Variants in UGT2B10 observed in about 807,000 individuals in gnomAD.
UGT2B10 encodes the protein UDP glucuronosyltransferase family 2 member B10.
Under a neutral mutation model 43.7 loss-of-function variants are expected in UGT2B10, and 51 were observed. The observed-to-expected ratio is 1.17, with a 90% CI of 0.93 to 1.47. The LOEUF (loss-of-function observed/expected upper bound fraction) is 1.47. Among genes scored for constraint, UGT2B10 ranks in the 40% most tolerant of loss-of-function variants. The pLI, the probability that UGT2B10 is intolerant of heterozygous loss-of-function variation, is 0.00. For synonymous variants in UGT2B10, 225 were observed against 209.0 expected, an observed-to-expected ratio of 1.08 and a Z score of -0.66; for missense variants, 696 against 617.7, an observed-to-expected ratio of 1.13 and a Z score of -1.34.
Position 68,830,743 on chromosome 4 carries a change from G to GAAGA in UGT2B10, c.1451_1452insAAGA (p.Trp484Ter), listed in dbSNP as rs759207345. On this transcript the variant is annotated stop_gained and frameshift_variant, in exon 6 of 6. Coordinates refer to ENST00000265403, the MANE Select transcript of UGT2B10 (RefSeq NM_001075.6). LOFTEE classifies it low-confidence loss of function (END_TRUNC). Reference sequence around the variant, plus strand: ...CGAGTTGCAGCCCACAACCTCACCTGGTTCCAGTACCACTCTTTGGATGTG... The same window carrying GAAGA: ...CGAGTTGCAGCCCACAACCTCACCTGAAGAGTTCCAGTACCACTCTTTGGATGTG... The GAAGA allele has an allele frequency of 3.2e-5, 51 of 1,613,376 alleles. 1 individual carries two copies. The African/African-American group carries it at 6.7e-4, about 21-fold the overall frequency.
intron 5 of UGT2B10, among the ~76,000 whole-genome samples, chr4:68,828,762 T>C (rs1737929514): frequency 6.6e-6 from 1 of 152,046 alleles, no homozygotes; most frequent in Non-Finnish European, 1.5e-5. Flanking sequence ...CACATTTTCC[T>C]AGAGCATGTT....
intron 5 of UGT2B10, among the ~76,000 whole-genome samples, chr4:68,829,261 A>T (rs1336150866): frequency 6.6e-6 from 1 of 152,082 alleles, no homozygotes; most frequent in Non-Finnish European, 1.5e-5. Flanking sequence ...CAATTACATA[A>T]ACAAGCAAAG....
chr4:68,821,460 A>G (rs1578266536), intron 2 of UGT2B10, among the ~76,000 whole-genome samples: 1 of 152,164 alleles, frequency 6.6e-6, no homozygotes, highest in African/African-American at 2.4e-5. Context: ...GCAGTTAGAA[A>G]TAGCACATCA....
Position 68,816,727 on chromosome 4 carries a change from T to C in UGT2B10, c.708T>C (p.Ser236=), listed in dbSNP as rs1462393634. ...FNMKKWDQFY[S]EVLGRPTTLS... ...TGAAGAAGTGGGATCAGTTTTACAG[T>C]GAAGTTTTAGGTAAGATTTTTTTCA... is the stretch of plus-strand genomic sequence containing the variant. The change falls in exon 1 of 6, where the codon AGT becomes AGC. Residue 236 remains serine (S), a synonymous_variant. Transcript: ENST00000265403. 1.9e-6 allele frequency: 3 copies of C among 1,594,400 alleles called. No individual in the cohort carries two copies. The highest frequency in any genetic ancestry group is 1.1e-5 in the South Asian group (1 of 88,104).
chr4:68,819,966 G>A (rs1737410822), intron 2 of UGT2B10, among the ~76,000 whole-genome samples: 1 of 151,962 alleles, frequency 6.6e-6, no homozygotes, highest in Admixed American at 6.6e-5. Flanking sequence ...TTAAAACTCA[G>A]TATCTATGTT....
rs1220044971 is a variant in UGT2B10, at chr4:68,816,480, C to T, written c.461C>T (p.Pro154Leu). 1 of 1,612,984 alleles carries T rather than the reference C, an allele frequency of 6.2e-7. No individual in the cohort carries two copies. Among genetic ancestry groups the T allele is most frequent in the Admixed American group, 1.7e-5 (1 of 59,886 alleles). The change falls in exon 1 of 6, where the codon CCC becomes CTC. Residue 154 changes from proline to leucine, a missense_variant. By Grantham distance (98) the Pro-to-Leu change is moderately conservative. Transcript: ENST00000265403. The stretch of plus-strand genomic sequence containing the variant: ...ATCGTTTTTGCAGATGCTTATTTAC[C>T]CTGTGGTGAGCTGCTGGCTGAGCTA... ...FDIVFADAYL[P>L]CGELLAELFN...
At position 68,818,136 on chromosome 4, in the gene UGT2B10, G is replaced by T. The variant is rs1187561675; in HGVS notation, c.826G>T (p.Val276Phe). Residue 276 changes from valine (V) to phenylalanine (F), a missense_variant, in exon 2 of 6, where the codon GTT becomes TTT. Val to Phe is a conservative substitution (Grantham distance 50). Transcript: ENST00000265403. ...TCCATTCTTACCAAATGTTGATTTT[G>T]TTGGAGGACTCCACTGCAAACCTGC... is the stretch of plus-strand genomic sequence containing the variant. ...PHPFLPNVDF[V>F]GGLHCKPAKP... 6 of 1,611,388 alleles carry T rather than the reference G, an allele frequency of 3.7e-6. No homozygotes were observed. The highest frequency in any genetic ancestry group is 4.2e-6 in the Non-Finnish European group (5 of 1,178,352).
chr4:68,828,616 A>G (rs1294339395), intron 5 of UGT2B10, among the ~76,000 whole-genome samples: 6 of 152,002 alleles, frequency 3.9e-5, no homozygotes, highest in African/African-American at 1.2e-4. Context: ...TTTTTTAAAA[A>G]AACAAGCAAA....
rs377540536 is a variant in UGT2B10 at position 68,826,459 on chromosome 4, C to A, written c.1049C>A (p.Thr350Asn). ...GNKPDALGLNTRLYKWIPQND... is the reference protein window; with the variant it reads ...GNKPDALGLNNRLYKWIPQND... ...AAACCAGATGCCTTAGGTCTCAATA[C>A]TCGACTGTACAAGTGGATACCCCAG... is the stretch of plus-strand genomic sequence containing the variant. The change falls in exon 4 of 6, where the codon ACT becomes AAT. Residue 350 changes from threonine to asparagine, a missense_variant. By Grantham distance (65) the Thr-to-Asn change is moderately conservative. Coordinates refer to ENST00000265403, the MANE Select transcript of UGT2B10 (RefSeq NM_001075.6). 2.5e-6 allele frequency: 4 copies of A among 1,612,378 alleles called. No homozygotes were observed. The African/African-American group carries it at 4.0e-5, about 16-fold the overall frequency.
At chr4:68,822,981 T>C (rs528351888) in intron 3 of UGT2B10, among the ~76,000 whole-genome samples, 94 of 152,282 alleles carry the variant, frequency 6.2e-4, no homozygotes, top group Admixed American at 1.1e-3. Context: ...CCTTGGTGAA[T>C]GTTTACAATT....
At position 68,830,589 on chromosome 4, in the gene UGT2B10, T is replaced by G. The variant is rs1738036690; in HGVS notation, c.1308-11T>G. The G allele has an allele frequency of 6.2e-7, 1 of 1,600,442 alleles. No individual in the cohort carries two copies. The highest frequency in any genetic ancestry group is 1.1e-5 in the South Asian group (1 of 88,804). On this transcript the variant is annotated splice_polypyrimidine_tract_variant and intron_variant, in intron 5 of 5. Coordinates refer to ENST00000265403, the MANE Select transcript of UGT2B10 (RefSeq NM_001075.6). ...ACTTTCAGTGTCGGTATCTTTATTT[T>G]TATCCTTCAGATATAAAGAGAATAT...
chr4:68,825,291 A>G (rs1217755190), intron 3 of UGT2B10, among the ~76,000 whole-genome samples: 1 of 151,054 alleles, frequency 6.6e-6, no homozygotes, highest in African/African-American at 2.4e-5. Flanking sequence ...ATAATTTTTT[A>G]TACTTTTTTT....
In UGT2B10 at chr4:68,831,089, G is replaced by T. The variant is rs1738078696; in HGVS notation, c.*210G>T. The T allele has an allele frequency of 1.6e-6, 1 of 628,330 alleles. No individual in the cohort carries two copies. The allele number at this position is 628,330 out of a possible 1,614,324, so 38.9% of individuals were successfully genotyped here. ...TCTGTGGCAATGAAGAAAACACTAG[G>T]GGAAATAAAAAATAATATAAAGCCA... On this transcript the variant is annotated 3_prime_UTR_variant, in exon 6 of 6. Coordinates refer to ENST00000265403, the MANE Select transcript of UGT2B10 (RefSeq NM_001075.6).
intron 3 of UGT2B10, 31 bp downstream of exon 3, chr4:68,822,433 A>T (rs2109692403): frequency 6.2e-7 from 1 of 1,610,988 alleles, no homozygotes; most frequent in Non-Finnish European, 8.5e-7. Context: ...GGTGTGGAAA[A>T]CTACTGAAAG....
chr4:68,827,632 T>A (rs1190264378), intron 5 of UGT2B10, 84 bp downstream of exon 5: 49 of 1,553,912 alleles, frequency 3.2e-5, no homozygotes, highest in Non-Finnish European at 4.2e-5. Flanking sequence ...ATCCTTTTTA[T>A]AAGAGAGTGA....
rs1248206519 is a variant in UGT2B10 at position 68,816,636 on chromosome 4, T to C, written c.617T>C (p.Phe206Ser). The C allele has an allele frequency of 6.2e-7, 1 of 1,612,754 alleles. No individual in the cohort carries two copies. Among genetic ancestry groups the C allele is most frequent in the African/African-American group, 1.3e-5 (1 of 74,868 alleles). ...VMSKLSDQMT[F>S]MERVKNMLYV... The stretch of plus-strand genomic sequence containing the variant: ...TCAAAATTAAGTGATCAAATGACTT[T>C]CATGGAGAGGGTAAAAAATATGCTC... The change falls in exon 1 of 6, where the codon TTC becomes TCC. Residue 206 changes from phenylalanine (F) to serine (S), a missense_variant. Coordinates refer to ENST00000265403, the MANE Select transcript of UGT2B10 (RefSeq NM_001075.6).
chr4:68,826,325 T>G (rs1210411630), intron 3 of UGT2B10, 85 bp from the exon 4 acceptor site: 7 of 1,421,894 alleles, frequency 4.9e-6, no homozygotes, highest in Non-Finnish European at 5.8e-6. Context: ...ATCCCTTGAT[T>G]TCATTTCTAC....
At chr4:68,829,909 A>T (rs1738003752) in intron 5 of UGT2B10, among the ~76,000 whole-genome samples, 1 of 152,074 alleles carries the variant, frequency 6.6e-6, no homozygotes, top group South Asian at 2.1e-4. Flanking sequence ...AAAAATCTTA[A>T]TCAGGGGAGT....
chr4:68,827,485 A>G lies in UGT2B10; in HGVS notation c.1244A>G (p.Asp415Gly), dbSNP rs1737849663. Reference protein sequence around the residue: ...MKAKGAAVRVDFNTMSSTDLL... With the variant: ...MKAKGAAVRVGFNTMSSTDLL... Reference sequence around the variant, plus strand: ...GCCAAGGGAGCAGCTGTTAGAGTGGACTTCAACACAATGTCGAGTACAGAC... The same window carrying G: ...GCCAAGGGAGCAGCTGTTAGAGTGGGCTTCAACACAATGTCGAGTACAGAC... The change falls in exon 5 of 6, where the codon GAC becomes GGC. Residue 415 changes from aspartate to glycine, a missense_variant. Coordinates refer to ENST00000265403, the MANE Select transcript of UGT2B10 (RefSeq NM_001075.6). 1 of 1,613,484 alleles carries G rather than the reference A, an allele frequency of 6.2e-7. No individual in the cohort carries two copies. The highest frequency in any genetic ancestry group is 2.2e-5 in the East Asian group (1 of 44,824).
Sources: gnomAD v4.1 joint callset for allele counts (sites outside exome capture counted in the v4.1 genomes callset) on GRCh38, gnomAD v4.1.1 for gene constraint, MANE v1.5 for transcripts, NCBI Gene and HGNC (gene_info 2026-07-23, HGNC 2026-07-21) for gene names.